The following CSNK2A2IP variants were observed in gnomAD, a reference collection of about 807,000 sequenced individuals.
CSNK2A2IP encodes the protein casein kinase 2 subunit alpha' interacting protein.
the CSNK2A2IP span, among the ~76,000 whole-genome samples, chr3:88,395,775 C>T: frequency 6.6e-6 from 1 of 152,070 alleles, no homozygotes; most frequent in Non-Finnish European, 1.5e-5. Context: ...TTCTTTTTGT[C>T]TCATAAATTT....
chr3:88,415,170 C>A, the CSNK2A2IP span, among the ~76,000 whole-genome samples: 28 of 151,860 alleles, frequency 1.8e-4, no homozygotes, highest in Non-Finnish European at 7.4e-5. Context: ...AAATTCCTCA[C>A]GAGTATTTCA....
the CSNK2A2IP span, among the ~76,000 whole-genome samples, chr3:88,393,714 G>A: frequency 8.3e-4 from 126 of 152,200 alleles, 1 homozygote; most frequent in Admixed American, 1.4e-3. Flanking sequence ...CAAGTGTGTA[G>A]TTAAAATAAA....
the CSNK2A2IP span, among the ~76,000 whole-genome samples, chr3:88,372,859 A>G: frequency 6.6e-6 from 1 of 151,496 alleles, no homozygotes; most frequent in African/African-American, 2.4e-5. Context: ...CATTAAATAG[A>G]TTTAACACAA....
the CSNK2A2IP span, among the ~76,000 whole-genome samples, chr3:88,343,766 G>T: frequency 0.41 from 62,589 of 151,576 alleles, 14,794 homozygotes; most frequent in South Asian, 0.6. Flanking sequence ...TTTAAATCCA[G>T]ATTTTTTTCT....
At chr3:88,445,462 TA>T in the CSNK2A2IP span, among the ~76,000 whole-genome samples, 1 of 151,878 alleles carries the variant, frequency 6.6e-6, no homozygotes, top group Non-Finnish European at 1.5e-5. Context: ...TAAAATAAAA[TA>T]AAAGGTAGTT....
At chr3:88,426,892 G>T in the CSNK2A2IP span, among the ~76,000 whole-genome samples, 14 of 151,796 alleles carry the variant, frequency 9.2e-5, no homozygotes, top group East Asian at 2.1e-3. Context: ...CGGGGGATGG[G>T]GGGGGGCGGT....
At chr3:88,408,489 C>A in the CSNK2A2IP span, among the ~76,000 whole-genome samples, 1 of 151,942 alleles carries the variant, frequency 6.6e-6, no homozygotes, top group Non-Finnish European at 1.5e-5. Context: ...AGCTGATTAA[C>A]CTTAGTATAA....
the CSNK2A2IP span, among the ~76,000 whole-genome samples, chr3:88,421,175 C>T: frequency 6.6e-6 from 1 of 152,188 alleles, no homozygotes; most frequent in South Asian, 2.1e-4. Context: ...CTTTATTTCT[C>T]TATAACTTAT....
the CSNK2A2IP span, among the ~76,000 whole-genome samples, chr3:88,360,689 A>C: frequency 6.6e-6 from 1 of 152,176 alleles, no homozygotes; most frequent in African/African-American, 2.4e-5. Flanking sequence ...GTTATTAATA[A>C]TAGGCAAGAA....
chr3:88,409,866 C>G, the CSNK2A2IP span, among the ~76,000 whole-genome samples: 1 of 151,892 alleles, frequency 6.6e-6, no homozygotes, highest in South Asian at 2.1e-4. Context: ...AATAAAAACT[C>G]AAATTATGCT....
chr3:88,344,511 G>T, the CSNK2A2IP span, among the ~76,000 whole-genome samples: 1 of 151,880 alleles, frequency 6.6e-6, no homozygotes, highest in Non-Finnish European at 1.5e-5. Context: ...TGAGTTCAAA[G>T]CTAATTGCTC....
At chr3:88,466,729 AG>A in the CSNK2A2IP span, 1 of 986,772 alleles carries the variant, frequency 1.0e-6, no homozygotes, top group East Asian at 3.3e-5. Flanking sequence ...TAGAAGGATG[AG>A]GGGAAGGCCA....
the CSNK2A2IP span, among the ~76,000 whole-genome samples, chr3:88,350,178 C>G: frequency 6.6e-6 from 1 of 152,078 alleles, no homozygotes; most frequent in Non-Finnish European, 1.5e-5. Context: ...TTTCTTCAGC[C>G]AAGGACATTC....
At chr3:88,428,831 C>G in the CSNK2A2IP span, among the ~76,000 whole-genome samples, 1 of 151,880 alleles carries the variant, frequency 6.6e-6, no homozygotes. Flanking sequence ...TAACTTGTTT[C>G]CATTTCTTAC....
the CSNK2A2IP span, among the ~76,000 whole-genome samples, chr3:88,371,458 G>A: frequency 4.0e-5 from 6 of 151,648 alleles, no homozygotes; most frequent in African/African-American, 1.5e-4. Flanking sequence ...ATTGGAGATG[G>A]CAGAGAATAA....
At chr3:88,395,494 T>C in the CSNK2A2IP span, among the ~76,000 whole-genome samples, 1 of 152,212 alleles carries the variant, frequency 6.6e-6, no homozygotes, top group African/African-American at 2.4e-5. Flanking sequence ...GTACATCTAA[T>C]TTAGAACTCT....
the CSNK2A2IP span, among the ~76,000 whole-genome samples, chr3:88,355,788 C>T: frequency 6.6e-6 from 1 of 151,996 alleles, no homozygotes; most frequent in African/African-American, 2.4e-5. Flanking sequence ...TTGTTTTAGG[C>T]CCTAGACTAA....
At chr3:88,349,891 G>A in the CSNK2A2IP span, among the ~76,000 whole-genome samples, 6 of 152,072 alleles carry the variant, frequency 3.9e-5, no homozygotes, top group Non-Finnish European at 7.4e-5. Context: ...CTGATGATTA[G>A]TGATGTTGAG....
chr3:88,417,840 T>C, the CSNK2A2IP span, among the ~76,000 whole-genome samples: 1 of 152,218 alleles, frequency 6.6e-6, no homozygotes, highest in Non-Finnish European at 1.5e-5. Context: ...GACTATGTGA[T>C]ATTTTGACTT....
Sources: allele counts gnomAD v4.1 joint callset (sites outside exome capture counted in the v4.1 genomes callset), GRCh38; gene constraint gnomAD v4.1.1; transcripts MANE v1.5; gene names NCBI Gene and HGNC (gene_info 2026-07-23, HGNC 2026-07-21).